ABCA6: variants seen among roughly 807,000 people sequenced by gnomAD.
The protein encoded by ABCA6 is ATP-binding cassette sub-family A member 6.
In ABCA6, 164 loss-of-function variants were observed where a neutral mutation model predicts 191.2. The ratio of observed to expected loss-of-function variants is 0.86; its 90% CI spans 0.76 to 0.98. The LOEUF (loss-of-function observed/expected upper bound fraction) is 0.98, where lower values mean the gene tolerates loss of function less well. Ranked by LOEUF, ABCA6 falls within the 50% of genes least tolerant of loss-of-function variation. The probability of loss-of-function intolerance (pLI) is 0.00; values close to 1 mark genes in which losing one functional copy is unlikely to be tolerated. For missense variants in ABCA6, 1,958 were observed against 1,894.1 expected (o/e 1.03, Z -0.63); for synonymous variants, 636 against 647.7 (o/e 0.98, Z 0.27).
At chr17:69,084,225 T>G in intron 34 of ABCA6, 36 bp downstream of exon 34, 2 of 1,600,282 alleles carry the variant, frequency 1.2e-6, no homozygotes, top group Non-Finnish European at 1.7e-6. Context: ...TTCCCTAATG[T>G]GCATGCTCGC....
intron 26 of ABCA6, 82 bp from the exon 27 acceptor site, chr17:69,089,624 C>T: frequency 1.7e-6 from 2 of 1,165,944 alleles, no homozygotes; most frequent in Non-Finnish European, 2.5e-6. Flanking sequence ...ATAAAATTCA[C>T]ATATTGAATA....
intron 10 of ABCA6, among the ~76,000 whole-genome samples, chr17:69,118,814 G>T (rs1415390323): frequency 6.6e-6 from 1 of 151,946 alleles, no homozygotes; most frequent in Non-Finnish European, 1.5e-5. Flanking sequence ...CTCTCCAGAA[G>T]TTTTCTCGTT....
intron 18 of ABCA6, 53 bp downstream of exon 18, chr17:69,107,643 G>T: frequency 1.7e-6 from 2 of 1,187,720 alleles, no homozygotes; most frequent in South Asian, 1.3e-5. Flanking sequence ...ATACTAAATT[G>T]ACACATGATC....
In ABCA6 at chr17:69,114,926, T is replaced by C; in HGVS notation, c.1618A>G (p.Ile540Val). Residue 540 changes from isoleucine (I) to valine (V), a missense_variant, in exon 13 of 39, where the codon ATC (isoleucine) becomes GTC (valine). Transcript: ENST00000284425. ...ATTTCAGAGAGATTTTTATTATAGATGGTAACTGATCCTAAGAATAGAAGT... is the reference window on the plus strand; with the variant it reads ...ATTTCAGAGAGATTTTTATTATAGACGGTAACTGATCCTAAGAATAGAAGT... ...LSVPTEGSVT[I>V]YNKNLSEMQD... 12 of 1,607,496 alleles carry C rather than the reference T, an allele frequency of 7.5e-6. No individual in the cohort carries two copies. The highest frequency in any genetic ancestry group is 1.0e-5 in the Non-Finnish European group (12 of 1,176,078).
At chr17:69,119,011 G>C (rs1453004693) in intron 10 of ABCA6, among the ~76,000 whole-genome samples, 1 of 151,894 alleles carries the variant, frequency 6.6e-6, no homozygotes, top group Non-Finnish European at 1.5e-5. Context: ...ATTCCAAAGG[G>C]AACTGATGCC....
rs554054398 is a variant in ABCA6 at position 69,111,092 on chromosome 17, CA to C, written c.2133-153del. The C allele has an allele frequency of 6.9e-4, 444 of 641,810 alleles. 1 individual carries two copies. The African/African-American group carries it at 7.6e-3, about 11-fold the overall frequency. 39.8% of individuals were successfully genotyped at this position (641,810 alleles called of 1,614,324 possible). On this transcript the variant is annotated intron_variant, in intron 16 of 38. Transcript: ENST00000284425. ...AAATACTAACATGATAGTAATCTAT[CA>C]GTTTGAAAATTTTATAATCTATATA...
At chr17:69,120,952 T>G (rs1193056683) in intron 10 of ABCA6, among the ~76,000 whole-genome samples, 1 of 151,982 alleles carries the variant, frequency 6.6e-6, no homozygotes, top group Non-Finnish European at 1.5e-5. Flanking sequence ...TCTACAAACT[T>G]TCATCCATAC....
At chr17:69,139,103 A>C (rs1293684493) in intron 2 of ABCA6, among the ~76,000 whole-genome samples, 1 of 152,228 alleles carries the variant, frequency 6.6e-6, no homozygotes. Flanking sequence ...AATGAGATCT[A>C]ATTAAACTAA....
intron 16 of ABCA6, 58 bp downstream of exon 16, chr17:69,112,125 C>G: frequency 7.8e-7 from 1 of 1,275,616 alleles, no homozygotes; most frequent in Middle Eastern, 1.9e-4. Context: ...AATTGTCCAC[C>G]TTTTTCATAT....
chr17:69,085,774 T>C, intron 30 of ABCA6, 58 bp from the exon 31 acceptor site: 1 of 1,218,234 alleles, frequency 8.2e-7, no homozygotes, highest in Non-Finnish European at 1.2e-6. Flanking sequence ...AACATAAACC[T>C]TTTGCTCCAG....
rs1189726745 is a variant in ABCA6 at position 69,133,728 on chromosome 17, A to G, written c.704T>C (p.Val235Ala). ...LFFLLHFSPLVYFISLNVTKE... is the reference protein window; with the variant it reads ...LFFLLHFSPLAYFISLNVTKE... ...TGTTACATTGAGTGATATAAAATAT[A>G]CAAGTGGGGAGAAATGAAGCAAGAA... The change falls in exon 6 of 39, where the codon GTA (valine) becomes GCA (alanine). Residue 235 changes from valine to alanine, a missense_variant. Transcript: ENST00000284425. 16 of 1,611,714 alleles carry G rather than the reference A, an allele frequency of 9.9e-6. No homozygotes were observed. Among genetic ancestry groups the G allele is most frequent in the African/African-American group, 5.3e-5 (4 of 74,864 alleles).
intron 25 of ABCA6, chr17:69,095,309 G>A (rs2073021107): frequency 5.7e-6 from 1 of 174,950 alleles, no homozygotes; most frequent in South Asian, 1.5e-4. Context: ...TGAGCCTAAT[G>A]TTCTTTCTGT....
At chr17:69,132,878 G>GTT (rs2144714535) in intron 6 of ABCA6, among the ~76,000 whole-genome samples, 1 of 151,820 alleles carries the variant, frequency 6.6e-6, no homozygotes, top group East Asian at 1.9e-4. Context: ...ACATGAGTGT[G>GTT]TGTGTACATA....
rs1367559655 is a variant in ABCA6 at position 69,141,018 on chromosome 17, TG to T, written c.-45-271del. 5.3e-5 allele frequency among the ~76,000 whole-genome samples: 8 copies of T among 152,152 alleles called. No homozygotes were observed. In the East Asian group the frequency reaches 1.5e-3, roughly 29 times the overall value. ...TTCAGAACCTATAATTTCACATTTT[TG>T]GCCTTGTATGAGAGAACTTTAAGTA... On this transcript the variant is annotated intron_variant, in intron 1 of 38. Transcript: ENST00000284425.
chr17:69,112,436 T>C (rs9889289), intron 15 of ABCA6, 163 bp from the exon 16 acceptor site: 59,934 of 544,842 alleles, frequency 0.11, 8,323 homozygotes, highest in African/African-American at 0.51. Flanking sequence ...ATATTAAAAT[T>C]GATGCATTTA....
At chr17:69,112,304 A>G in intron 15 of ABCA6, 31 bp from the exon 16 acceptor site, 1 of 1,523,924 alleles carries the variant, frequency 6.6e-7, no homozygotes, top group Non-Finnish European at 9.1e-7. Flanking sequence ...GAGAAAAGAT[A>G]TTGGGGGTCA....
rs759930688 is a variant in ABCA6, at chr17:69,140,656, C to T, written c.48G>A (p.Leu16=). 2 of 1,600,650 alleles carry T rather than the reference C, an allele frequency of 1.2e-6. No individual in the cohort carries two copies. The highest frequency in any genetic ancestry group is 1.7e-6 in the Non-Finnish European group (2 of 1,174,040). The change falls in exon 2 of 39, where the codon CTG becomes CTA. Residue 16 remains leucine, a synonymous_variant. Coordinates refer to ENST00000284425, the MANE Select transcript of ABCA6 (RefSeq NM_080284.3). Reference sequence around the variant, plus strand: ...TCCATTTCTTAAGAAAATTCTTGCACAGAAGTGCTTTGGTTTGCTGATACA... The same window carrying T: ...TCCATTTCTTAAGAAAATTCTTGCATAGAAGTGCTTTGGTTTGCTGATACA... ...KSVYQQTKAL[L]CKNFLKKWRM...
chr17:69,096,279 C>T lies in ABCA6; in HGVS notation c.3369G>A (p.Arg1123=), dbSNP rs1341833371. 6.5e-7 allele frequency: 1 copy of T among 1,533,520 alleles called. No homozygotes were observed. Among genetic ancestry groups the T allele is most frequent in the Non-Finnish European group, 8.8e-7 (1 of 1,140,114 alleles). The allele number at this position is 1,533,520 out of a possible 1,614,324, so 95.0% of individuals were successfully genotyped here. The part of the protein sequence containing the change: ...IYMISFIFRK[R]RKNSGLWSFY... ...ATGACCAAAGGCCACTGTTTTTTCT[C>T]CTTTTGCGAAAAATAAATGATATCA... The change falls in exon 25 of 39, where the codon AGG becomes AGA. Residue 1123 remains arginine (R), a synonymous_variant. Coordinates refer to ENST00000284425, the MANE Select transcript of ABCA6 (RefSeq NM_080284.3).
intron 11 of ABCA6, among the ~76,000 whole-genome samples, chr17:69,116,997 C>T (rs1045559045): frequency 1.3e-5 from 2 of 152,008 alleles, no homozygotes; most frequent in Non-Finnish European, 2.9e-5. Context: ...TGCTCCAAAA[C>T]TTTAAGTAAT....
Sources: allele counts gnomAD v4.1 joint callset (sites outside exome capture counted in the v4.1 genomes callset), GRCh38; gene constraint gnomAD v4.1.1; transcripts MANE v1.5; gene names NCBI Gene and HGNC (gene_info 2026-07-23, HGNC 2026-07-21).